The following DNAH6 variants were observed in gnomAD, a reference collection of about 807,000 sequenced individuals.
The protein encoded by DNAH6 is dynein axonemal heavy chain 6.
Under a neutral mutation model 491.4 loss-of-function variants are expected in DNAH6, and 340 were observed. The observed-to-expected ratio is 0.69, with a 90% confidence interval of 0.63 to 0.76. The LOEUF (loss-of-function observed/expected upper bound fraction) is 0.76, where lower values mean the gene tolerates loss of function less well. Ranked by LOEUF, DNAH6 falls within the 30% of genes least tolerant of loss-of-function variation. The pLI is 0.00. For missense variants in DNAH6, 4,443 were observed against 4,972.2 expected (o/e 0.89, Z 3.20); for synonymous variants, 1,603 against 1,686.1 (o/e 0.95, Z 1.21).
chr2:84,609,639 A>G (rs945672465), intron 21 of DNAH6, among the ~76,000 whole-genome samples: 1 of 151,938 alleles, frequency 6.6e-6, no homozygotes, highest in Non-Finnish European at 1.5e-5. Flanking sequence ...CACAACATCA[A>G]AGATCACTGA....
intron 12 of DNAH6, among the ~76,000 whole-genome samples, chr2:84,576,778 T>C (rs1466850368): frequency 6.6e-6 from 1 of 152,158 alleles, no homozygotes; most frequent in Non-Finnish European, 1.5e-5. Context: ...TGATGTAGGG[T>C]GCAGGAATGG....
chr2:84,646,047 C>G (rs1018961845), intron 33 of DNAH6, among the ~76,000 whole-genome samples: 5 of 152,172 alleles, frequency 3.3e-5, no homozygotes, highest in Non-Finnish European at 7.3e-5. Context: ...CTTCATGAAG[C>G]AAGTTTATCA....
chr2:84,513,035 C>A (rs2104383506), upstream of DNAH6, among the ~76,000 whole-genome samples: 1 of 151,750 alleles, frequency 6.6e-6, no homozygotes, highest in South Asian at 2.1e-4. Context: ...TGTTATTTTT[C>A]AATTCTTTCA....
At chr2:84,665,137 GAGAA>G (rs1691959802) in intron 37 of DNAH6, among the ~76,000 whole-genome samples, 1 of 152,178 alleles carries the variant, frequency 6.6e-6, no homozygotes, top group Non-Finnish European at 1.5e-5. Flanking sequence ...ATGCCCACAA[GAGAA>G]AGCAGGAAAG....
chr2:84,788,728 CTG>C lies in DNAH6; in HGVS notation c.11239+1428_11239+1429del, dbSNP rs964930102. On this transcript the variant is annotated intron_variant, in intron 68 of 76. Coordinates refer to ENST00000389394, the MANE Select transcript of DNAH6 (RefSeq NM_001370.2). ...TTTATTTTTATGTGGCACCCATCCA[CTG>C]TTCCTTCCAGGCCAGCACCTAGTCT... 4.6e-5 allele frequency among the ~76,000 whole-genome samples: 7 copies of C among 152,312 alleles called. No homozygotes were observed. In the South Asian group the frequency reaches 1.4e-3, roughly 32 times the overall value.
chr2:84,547,188 C>G, intron 5 of DNAH6, 80 bp from the exon 6 acceptor site: 1 of 1,224,160 alleles, frequency 8.2e-7, no homozygotes, highest in Non-Finnish European at 1.1e-6. Flanking sequence ...TCCTTAATAA[C>G]TATTCTTGCT....
chr2:84,778,894 G>T (rs1352782011), intron 64 of DNAH6, among the ~76,000 whole-genome samples: 1 of 152,110 alleles, frequency 6.6e-6, no homozygotes. Flanking sequence ...GCCTTAATAT[G>T]TTGTTTACCC....
intron 68 of DNAH6, among the ~76,000 whole-genome samples, chr2:84,792,040 T>G (rs2105266869): frequency 6.6e-6 from 1 of 152,304 alleles, no homozygotes; most frequent in African/African-American, 2.4e-5. Flanking sequence ...TGGAATACTA[T>G]TTATCCTTAA....
intron 29 of DNAH6, among the ~76,000 whole-genome samples, chr2:84,632,683 A>C (rs1311895373): frequency 6.6e-6 from 1 of 152,184 alleles, no homozygotes; most frequent in African/African-American, 2.4e-5. Context: ...AGTCCTGTCC[A>C]TGCTATCATT....
chr2:84,653,317 A>G lies in DNAH6; in HGVS notation c.5079-2A>G. Reference sequence around the variant, plus strand: ...TAATTGATTTTATTTTTGTTTTGACAGTGGAATCATATCTGACCTTTTTCC... The same window carrying G: ...TAATTGATTTTATTTTTGTTTTGACGGTGGAATCATATCTGACCTTTTTCC... On this transcript the variant is annotated splice_acceptor_variant, in intron 33 of 76. Coordinates refer to ENST00000389394, the MANE Select transcript of DNAH6 (RefSeq NM_001370.2). LOFTEE classifies it high-confidence loss of function. 1 of 1,497,902 alleles carries G rather than the reference A, an allele frequency of 6.7e-7. No homozygotes were observed. Among genetic ancestry groups the G allele is most frequent in the East Asian group, 2.5e-5 (1 of 40,342 alleles). 92.8% of individuals were successfully genotyped at this position (1,497,902 alleles called of 1,614,324 possible).
chr2:84,790,077 A>G (rs1235866006), intron 68 of DNAH6, among the ~76,000 whole-genome samples: 1 of 152,368 alleles, frequency 6.6e-6, no homozygotes, highest in Admixed American at 6.5e-5. Context: ...CTTATAAATC[A>G]ATGGAACAGA....
chr2:84,615,427 G>A (rs1001787875), intron 22 of DNAH6, among the ~76,000 whole-genome samples: 1 of 152,030 alleles, frequency 6.6e-6, no homozygotes, highest in Non-Finnish European at 1.5e-5. Flanking sequence ...TGCTGTTTTG[G>A]TGACTATGGC....
chr2:84,718,242 A>G lies in DNAH6; in HGVS notation c.9650A>G (p.Gln3217Arg), dbSNP rs746674094. ...VRLEKPRLEE[Q>R]RIKLIVRINT... is the part of the protein sequence containing the mutation. ...CTTGAAAAACCCAGGTTGGAAGAAC[A>G]AAGAATTAAGCTCATCGTGAGGATC... The change falls in exon 59 of 77, where the codon CAA becomes CGA. Residue 3217 changes from glutamine (Q) to arginine (R), a missense_variant. Transcript: ENST00000389394. 1.3e-6 allele frequency: 2 copies of G among 1,541,462 alleles called. No homozygotes were observed. The highest frequency in any genetic ancestry group is 1.7e-6 in the Non-Finnish European group (2 of 1,143,742).
chr2:84,500,047 G>T, the DNAH6 span, among the ~76,000 whole-genome samples: 1 of 152,034 alleles, frequency 6.6e-6, no homozygotes, highest in South Asian at 2.1e-4. Flanking sequence ...GATCCCATTT[G>T]TCCATGTTTG....
At chr2:84,499,858 T>G in the DNAH6 span, among the ~76,000 whole-genome samples, 1 of 148,618 alleles carries the variant, frequency 6.7e-6, no homozygotes, top group African/African-American at 2.5e-5. Flanking sequence ...TATTCAAACC[T>G]TTTGCCCATT....
intron 63 of DNAH6, among the ~76,000 whole-genome samples, chr2:84,760,460 CAAAG>C (rs1374775927): frequency 6.6e-6 from 1 of 151,926 alleles, no homozygotes; most frequent in Non-Finnish European, 1.5e-5. Flanking sequence ...ACAACAATAA[CAAAG>C]AAAAGAGATA....
intron 62 of DNAH6, among the ~76,000 whole-genome samples, chr2:84,742,193 T>C (rs1327050974): frequency 1.3e-5 from 2 of 152,170 alleles, no homozygotes; most frequent in African/African-American, 4.8e-5. Context: ...CATCTTCTAA[T>C]ATTAATATTA....
intron 48 of DNAH6, among the ~76,000 whole-genome samples, 184 bp from the exon 49 acceptor site, chr2:84,700,913 C>T (rs1695842028): frequency 6.6e-6 from 1 of 152,194 alleles, no homozygotes; most frequent in Non-Finnish European, 1.5e-5. Context: ...AATGCAGACC[C>T]AGGCACCCCT....
the DNAH6 span, among the ~76,000 whole-genome samples, chr2:84,483,944 T>C: frequency 6.6e-6 from 1 of 152,124 alleles, no homozygotes; most frequent in East Asian, 1.9e-4. Context: ...ACTATCCTGG[T>C]TTCTGGGGGT....
Sources: allele counts gnomAD v4.1 joint callset (sites outside exome capture counted in the v4.1 genomes callset), GRCh38; gene constraint gnomAD v4.1.1; transcripts MANE v1.5; gene names NCBI Gene and HGNC (gene_info 2026-07-23, HGNC 2026-07-21).